PATJ: variants seen among roughly 807,000 people sequenced by gnomAD.
PATJ encodes PATJ crumbs cell polarity complex component.
PATJ carries 190 observed loss-of-function variants against 224.9 expected under a neutral mutation model. The observed-to-expected ratio is 0.84, with a 90% confidence interval of 0.75 to 0.95. The LOEUF (loss-of-function observed/expected upper bound fraction) is 0.95, where lower values mean the gene tolerates loss of function less well. Ranked by LOEUF, PATJ falls within the 40% of genes least tolerant of loss-of-function variation. PATJ has a pLI of 0.00. For missense variants in PATJ, 2,121 were observed against 2,270.3 expected, an observed-to-expected ratio of 0.93 and a Z score of 1.34; for synonymous variants, 769 against 820.3, an observed-to-expected ratio of 0.94 and a Z score of 1.07.
chr1:61,914,799 TC>T, intron 26 of PATJ, 135 bp downstream of exon 26: 1 of 482,682 alleles, frequency 2.1e-6, no homozygotes, highest in Non-Finnish European at 3.8e-6. Flanking sequence ...ATAATTTTTT[TC>T]CCTGCAAATA....
chr1:62,108,578 A>G (rs936241597), intron 34 of PATJ, 58 bp downstream of exon 34: 6 of 1,038,098 alleles, frequency 5.8e-6, no homozygotes, highest in Admixed American at 2.1e-5. Context: ...GCTGGTCTCG[A>G]TCCATAAAGT....
intron 26 of PATJ, among the ~76,000 whole-genome samples, chr1:61,925,726 A>T (rs1205221576): frequency 1.3e-5 from 2 of 152,256 alleles, no homozygotes; most frequent in African/African-American, 4.8e-5. Flanking sequence ...ACTGAAAATT[A>T]TGCAAAATGT....
intron 29 of PATJ, among the ~76,000 whole-genome samples, chr1:62,023,093 C>G (rs1205759751): frequency 6.6e-6 from 1 of 152,070 alleles, no homozygotes; most frequent in Non-Finnish European, 1.5e-5. Context: ...AGTTCCAGAC[C>G]AGCCTAACCA....
At chr1:61,820,423 A>G (rs538502625) in intron 14 of PATJ, among the ~76,000 whole-genome samples, 1 of 151,906 alleles carries the variant, frequency 6.6e-6, no homozygotes, top group Non-Finnish European at 1.5e-5. Context: ...GCTCACTGCA[A>G]CCTCTGCCTC....
chr1:61,887,363 T>C (rs11207856), intron 22 of PATJ, among the ~76,000 whole-genome samples: 21,517 of 152,114 alleles, frequency 0.14, 1,576 homozygotes, highest in African/African-American at 0.16. Flanking sequence ...TCTTGTCCAA[T>C]GATGATGTTT....
At chr1:61,909,342 G>A (rs1206382519) in intron 25 of PATJ, among the ~76,000 whole-genome samples, 2 of 152,196 alleles carry the variant, frequency 1.3e-5, no homozygotes, top group African/African-American at 2.4e-5. Context: ...GATATGAAAT[G>A]TCAGTGGCAG....
At chr1:61,893,787 A>AG (rs1400943883) in intron 22 of PATJ, among the ~76,000 whole-genome samples, 2 of 150,556 alleles carry the variant, frequency 1.3e-5, no homozygotes, top group African/African-American at 4.9e-5. Context: ...ACAAAACAAG[A>AG]GAAAAAAAAA....
intron 14 of PATJ, chr1:61,816,320 C>G (rs1453740835): frequency 6.6e-6 from 1 of 152,128 alleles, no homozygotes; most frequent in African/African-American, 2.4e-5. Context: ...TTTTCCCCTT[C>G]CCATTTTTAA....
chr1:62,113,944 C>A, intron 34 of PATJ, 109 bp from the exon 35 acceptor site: 3 of 1,117,906 alleles, frequency 2.7e-6, no homozygotes, highest in Non-Finnish European at 3.8e-6. Flanking sequence ...TTGAGATTGG[C>A]TGGAAATTTC....
chr1:61,959,435 T>TA (rs1430411264), intron 27 of PATJ, among the ~76,000 whole-genome samples: 2 of 104,380 alleles, frequency 1.9e-5, no homozygotes, highest in Admixed American at 9.4e-5. Flanking sequence ...ATTTTTTTTC[T>TA]TTTCTTTTTT....
chr1:62,024,955 C>G (rs1647565084), intron 29 of PATJ, among the ~76,000 whole-genome samples: 4 of 152,172 alleles, frequency 2.6e-5, no homozygotes, highest in Admixed American at 2.6e-4. Flanking sequence ...TTTCCTACTT[C>G]CTTGTCCTCT....
intron 15 of PATJ, among the ~76,000 whole-genome samples, chr1:61,827,142 A>G (rs1446954894): frequency 6.6e-6 from 1 of 152,154 alleles, no homozygotes; most frequent in African/African-American, 2.4e-5. Flanking sequence ...AAAATTTGGT[A>G]GATCCCTTAC....
At chr1:62,097,607 C>A (rs890508523) in intron 33 of PATJ, among the ~76,000 whole-genome samples, 1 of 152,168 alleles carries the variant, frequency 6.6e-6, no homozygotes, top group African/African-American at 2.4e-5. Flanking sequence ...ACACAACCAG[C>A]CTGGGTTAAC....
intron 41 of PATJ, 43 bp downstream of exon 41, chr1:62,128,988 G>C: frequency 6.7e-6 from 9 of 1,341,678 alleles, no homozygotes; most frequent in Non-Finnish European, 7.4e-6. Flanking sequence ...AGGCAGATAA[G>C]TGGCATGCAA....
chr1:61,893,837 G>A (rs1371165485), intron 22 of PATJ, among the ~76,000 whole-genome samples: 5 of 151,354 alleles, frequency 3.3e-5, no homozygotes, highest in Non-Finnish European at 7.4e-5. Context: ...AAGGTGTCAT[G>A]GTGAAATACC....
intron 33 of PATJ, among the ~76,000 whole-genome samples, chr1:62,088,323 C>G (rs1184474359): frequency 6.6e-6 from 1 of 152,170 alleles, no homozygotes; most frequent in Non-Finnish European, 1.5e-5. Flanking sequence ...CAGACCAGAC[C>G]ATCGTTCCCC....
chr1:61,828,422 A>G, intron 16 of PATJ, among the ~76,000 whole-genome samples: 1 of 148,146 alleles, frequency 6.8e-6, no homozygotes, highest in East Asian at 2.0e-4. Context: ...TTTTTGAAAC[A>G]GGATCTCCCC....
chr1:61,751,998 C>T (rs889658966), intron 1 of PATJ, among the ~76,000 whole-genome samples: 7 of 151,566 alleles, frequency 4.6e-5, no homozygotes, highest in African/African-American at 1.5e-4. Flanking sequence ...ATTAGCCCAG[C>T]GTGGTGGGTC....
At chr1:61,996,456 A>C (rs1645359991) in intron 28 of PATJ, among the ~76,000 whole-genome samples, 1 of 152,150 alleles carries the variant, frequency 6.6e-6, no homozygotes. Context: ...TACTTAATAA[A>C]TCACTAGCTT....
Sources: allele counts gnomAD v4.1 joint callset (sites outside exome capture counted in the v4.1 genomes callset), GRCh38; gene constraint gnomAD v4.1.1; transcripts MANE v1.5; gene names NCBI Gene and HGNC (gene_info 2026-07-23, HGNC 2026-07-21).